The following STIM2 variants were observed in gnomAD, a reference collection of about 807,000 sequenced individuals.
STIM2 encodes the protein stromal interaction molecule 2.
A neutral mutation model predicts 85.8 loss-of-function variants in STIM2; 31 were observed. The ratio of observed to expected loss-of-function variants is 0.36; its 90% CI spans 0.27 to 0.49. The LOEUF (loss-of-function observed/expected upper bound fraction) is 0.49. STIM2 is among the 20% of genes least tolerant of loss of function. STIM2 has a pLI of 0.98. For missense variants in STIM2, 841 were observed against 927.6 expected (o/e 0.91, Z 1.21); for synonymous variants, 356 against 331.1 (o/e 1.08, Z -0.82).
chr4:26,902,647 A>T (rs901247470), intron 1 of STIM2, among the ~76,000 whole-genome samples: 4 of 152,170 alleles, frequency 2.6e-5, no homozygotes, highest in African/African-American at 9.7e-5. Flanking sequence ...ATTCAAAATC[A>T]TTTCTTAGAA....
intron 2 of STIM2, among the ~76,000 whole-genome samples, chr4:26,950,827 C>G (rs989761036): frequency 6.6e-6 from 1 of 152,046 alleles, no homozygotes; most frequent in African/African-American, 2.4e-5. Context: ...GCAAGCAGTG[C>G]CTTGGTGGAC....
At chr4:26,946,631 T>G (rs1354619604) in intron 2 of STIM2, among the ~76,000 whole-genome samples, 3 of 152,236 alleles carry the variant, frequency 2.0e-5, no homozygotes, top group African/African-American at 7.2e-5. Flanking sequence ...TGTGCACTCT[T>G]TTTTTCTGAC....
chr4:27,011,248 T>C (rs1346787407), intron 10 of STIM2, among the ~76,000 whole-genome samples: 4 of 152,218 alleles, frequency 2.6e-5, no homozygotes, highest in African/African-American at 9.6e-5. Flanking sequence ...CTAGGTGATA[T>C]TTTACAACTC....
At chr4:27,007,380 TCTA>T (rs1445403000) in intron 7 of STIM2, among the ~76,000 whole-genome samples, 150 bp from the exon 8 acceptor site, 1 of 151,150 alleles carries the variant, frequency 6.6e-6, no homozygotes, top group Non-Finnish European at 1.5e-5. Context: ...ATGCTAGAAA[TCTA>T]CTGTATTTAG....
intron 7 of STIM2, among the ~76,000 whole-genome samples, chr4:27,003,308 A>G (rs1728222490): frequency 6.6e-6 from 1 of 152,188 alleles, no homozygotes; most frequent in Admixed American, 6.5e-5. Context: ...AGTTACCATC[A>G]TGTTCACTCA....
chr4:26,940,600 C>A (rs532636994), intron 2 of STIM2, among the ~76,000 whole-genome samples: 1 of 152,052 alleles, frequency 6.6e-6, no homozygotes, highest in African/African-American at 2.4e-5. Context: ...AGTGCTCCAG[C>A]CTTATCTTTG....
chr4:26,885,843 A>ATG (rs1723209327), intron 1 of STIM2, among the ~76,000 whole-genome samples: 16 of 37,968 alleles, frequency 4.2e-4, no homozygotes, highest in South Asian at 2.9e-3. Flanking sequence ...ATATATATAT[A>ATG]TATATATATA....
chr4:26,919,732 G>T, intron 2 of STIM2, 98 bp downstream of exon 2: 2 of 1,367,090 alleles, frequency 1.5e-6, no homozygotes, highest in South Asian at 1.5e-5. Context: ...GTGGCTCATT[G>T]CCTTCATCTT....
intron 2 of STIM2, among the ~76,000 whole-genome samples, chr4:26,922,713 T>G (rs1724849772): frequency 6.6e-6 from 1 of 152,128 alleles, no homozygotes; most frequent in African/African-American, 2.4e-5. Context: ...TGGGTGGGAC[T>G]TAAAGTTACA....
In STIM2 at chr4:26,995,467, T is replaced by C. The variant is rs746024167; in HGVS notation, c.486T>C (p.Asn162=). The C allele has an allele frequency of 1.9e-6, 3 of 1,601,020 alleles. No homozygotes were observed. Among genetic ancestry groups the C allele is most frequent in the Non-Finnish European group, 8.5e-7 (1 of 1,174,002 alleles). ...ATGAGAAGAATTTTAGAGACAACAA[T>C]GTCAAAGGAACGACACTTCCCAGGT... The change falls in exon 4 of 12, where the codon AAT becomes AAC. Residue 162 remains asparagine (N), a synonymous_variant. Coordinates refer to ENST00000467087, the MANE Select transcript of STIM2 (RefSeq NM_020860.4).
intron 1 of STIM2, among the ~76,000 whole-genome samples, chr4:26,891,865 G>A (rs561421335): frequency 4.4e-4 from 67 of 152,298 alleles, no homozygotes; most frequent in African/African-American, 1.5e-3. Flanking sequence ...CAGGTGATGT[G>A]GGTTGGCTCT....
chr4:26,906,767 A>G (rs760729634), intron 1 of STIM2, among the ~76,000 whole-genome samples: 70 of 152,090 alleles, frequency 4.6e-4, no homozygotes, highest in Non-Finnish European at 8.1e-4. Context: ...AAATTATGCT[A>G]TTATTAAACA....
At chr4:26,984,611 C>G (rs898890649) in intron 3 of STIM2, among the ~76,000 whole-genome samples, 3 of 152,180 alleles carry the variant, frequency 2.0e-5, no homozygotes, top group Admixed American at 6.5e-5. Flanking sequence ...ATGATCTGCC[C>G]GCCTCTGGCT....
At chr4:26,966,943 A>C (rs1173604131) in intron 3 of STIM2, among the ~76,000 whole-genome samples, 1 of 152,208 alleles carries the variant, frequency 6.6e-6, no homozygotes, top group Non-Finnish European at 1.5e-5. Context: ...CTCAGTAAGC[A>C]TTCTTCTAAC....
At chr4:26,996,037 C>G (rs1727950439) in intron 4 of STIM2, among the ~76,000 whole-genome samples, 1 of 151,862 alleles carries the variant, frequency 6.6e-6, no homozygotes, top group East Asian at 1.9e-4. Flanking sequence ...ATTGTCCTTC[C>G]CATTTTACAG....
Position 26,943,687 on chromosome 4 carries a change from A to G in STIM2, c.283-13925A>G, listed in dbSNP as rs80027515. On this transcript the variant is annotated intron_variant, in intron 2 of 11. Coordinates refer to ENST00000467087, the MANE Select transcript of STIM2 (RefSeq NM_020860.4). ...CAGCGCTCCGTTAGTCATTGTTTCTATGTCTTCTCAGTGGATGGGGCTAAG... is the reference window on the plus strand; with the variant it reads ...CAGCGCTCCGTTAGTCATTGTTTCTGTGTCTTCTCAGTGGATGGGGCTAAG... Among the ~76,000 whole-genome samples, 603 of 151,596 alleles carry G rather than the reference A, an allele frequency of 4.0e-3. 6 individuals are homozygous for G. Among genetic ancestry groups the G allele is most frequent in the African/African-American group, 0.014 (572 of 41,364 alleles).
intron 11 of STIM2, among the ~76,000 whole-genome samples, chr4:27,020,050 C>G (rs1398033364): frequency 6.6e-6 from 1 of 152,150 alleles, no homozygotes; most frequent in Non-Finnish European, 1.5e-5. Context: ...AAAATTGAGA[C>G]CTCAAGAGAT....
At chr4:26,998,609 C>T (rs1395084223) in intron 4 of STIM2, among the ~76,000 whole-genome samples, 2 of 152,026 alleles carry the variant, frequency 1.3e-5, no homozygotes, top group African/African-American at 2.4e-5. Flanking sequence ...TAATTAATGA[C>T]TATAAAATAT....
chr4:26,874,016 G>A, intron 1 of STIM2: 1 of 752,608 alleles, frequency 1.3e-6, no homozygotes, highest in Non-Finnish European at 2.4e-6. Context: ...CTTCACCTGA[G>A]TCTCCACCAG....
Sources: gnomAD v4.1 joint callset for allele counts (sites outside exome capture counted in the v4.1 genomes callset) on GRCh38, gnomAD v4.1.1 for gene constraint, MANE v1.5 for transcripts, NCBI Gene and HGNC (gene_info 2026-07-23, HGNC 2026-07-21) for gene names.